Variants in CADM1 observed in about 807,000 individuals in gnomAD.
The protein encoded by CADM1 is cell adhesion molecule 1.
CADM1 carries 15 observed loss-of-function variants against 53.1 expected under a neutral mutation model. That is an observed-to-expected ratio of 0.28 (90% CI 0.19 to 0.44). CADM1 has a LOEUF of 0.44. CADM1 is among the 20% of genes least tolerant of loss of function. The pLI is 1.00. For synonymous variants in CADM1, 281 were observed against 243.0 expected, an observed-to-expected ratio of 1.16 and a Z score of -1.45; for missense variants, 434 against 611.3, an observed-to-expected ratio of 0.71 and a Z score of 3.06.
At chr11:115,270,892 A>T (rs1341749648) in intron 1 of CADM1, among the ~76,000 whole-genome samples, 2 of 152,224 alleles carry the variant, frequency 1.3e-5, no homozygotes, top group Non-Finnish European at 2.9e-5. Context: ...GATCTACCTC[A>T]AGTCACTGCT....
intron 8 of CADM1, among the ~76,000 whole-genome samples, chr11:115,208,773 G>A (rs1467431826): frequency 6.6e-6 from 1 of 152,134 alleles, no homozygotes; most frequent in Non-Finnish European, 1.5e-5. Flanking sequence ...TACTTAGGTA[G>A]GCAGAAGAAA....
chr11:115,178,327 C>T (rs964484718), intron 11 of CADM1, among the ~76,000 whole-genome samples: 2 of 152,148 alleles, frequency 1.3e-5, no homozygotes, highest in Non-Finnish European at 2.9e-5. Flanking sequence ...ACACCTTGCA[C>T]ACCAGCCTCT....
chr11:115,460,910 C>T (rs2135372351), intron 1 of CADM1, among the ~76,000 whole-genome samples: 1 of 152,198 alleles, frequency 6.6e-6, no homozygotes, highest in African/African-American at 2.4e-5. Context: ...TAATTTATTT[C>T]AGGTTCTGGG....
At chr11:115,201,871 T>C (rs998876392) in intron 8 of CADM1, among the ~76,000 whole-genome samples, 1 of 152,202 alleles carries the variant, frequency 6.6e-6, no homozygotes, top group African/African-American at 2.4e-5. Flanking sequence ...TATACATTTA[T>C]ATTATATGGC....
At chr11:115,233,728 T>TA (rs1482635290) in intron 3 of CADM1, among the ~76,000 whole-genome samples, 5 of 151,322 alleles carry the variant, frequency 3.3e-5, no homozygotes, top group African/African-American at 1.2e-4. Flanking sequence ...AAAAAAAAAA[T>TA]ACCTTTCAAG....
At chr11:115,272,341 G>T (rs2135051070) in intron 1 of CADM1, among the ~76,000 whole-genome samples, 1 of 152,028 alleles carries the variant, frequency 6.6e-6, no homozygotes, top group South Asian at 2.1e-4. Flanking sequence ...TTTGAGCTAA[G>T]ATGAACAGAT....
intron 1 of CADM1, among the ~76,000 whole-genome samples, chr11:115,302,106 A>G (rs549379161): frequency 6.6e-6 from 1 of 152,054 alleles, no homozygotes; most frequent in Non-Finnish European, 1.5e-5. Flanking sequence ...GTTCATTACT[A>G]CACACGGACA....
chr11:115,428,987 G>A (rs1441976158), intron 1 of CADM1, among the ~76,000 whole-genome samples: 1 of 152,150 alleles, frequency 6.6e-6, no homozygotes, highest in East Asian at 1.9e-4. Context: ...CAGAGTGCCA[G>A]AGAACCTACA....
intron 3 of CADM1, among the ~76,000 whole-genome samples, chr11:115,234,893 CAAAAAAAAAAAAAAA>C (rs57197514): frequency 8.0e-5 from 6 of 75,388 alleles, no homozygotes; most frequent in African/African-American, 1.6e-4. Context: ...ACTCCGTCTC[CAAAAAAAAAAAAAAA>C]AAAAAAAAAA....
intron 1 of CADM1, among the ~76,000 whole-genome samples, chr11:115,431,493 A>G (rs1227857206): frequency 6.6e-6 from 1 of 152,088 alleles, no homozygotes; most frequent in Non-Finnish European, 1.5e-5. Flanking sequence ...TTTTTTCCAG[A>G]AAACATCTAG....
intron 8 of CADM1, among the ~76,000 whole-genome samples, chr11:115,206,176 G>A (rs1486215358): frequency 6.6e-6 from 1 of 152,150 alleles, no homozygotes; most frequent in Non-Finnish European, 1.5e-5. Context: ...TATGGGTACG[G>A]TTTCTGTTGA....
At chr11:115,417,043 G>C (rs1466689573) in intron 1 of CADM1, among the ~76,000 whole-genome samples, 2 of 152,134 alleles carry the variant, frequency 1.3e-5, no homozygotes, top group Non-Finnish European at 2.9e-5. Context: ...GGAAGTATAG[G>C]TGTGTTTAAG....
At chr11:115,371,353 T>C (rs1350283313) in intron 1 of CADM1, among the ~76,000 whole-genome samples, 1 of 152,074 alleles carries the variant, frequency 6.6e-6, no homozygotes, top group Non-Finnish European at 1.5e-5. Context: ...TAAAGTGGTA[T>C]AACATCATTT....
In CADM1 at chr11:115,178,743, C is replaced by T; in HGVS notation, c.1198G>A (p.Ala400Thr). ...CCACCGATCACGGCATGATCCACTGCCCTGATCGAGCCTTCTTCACCTGCT... is the reference window on the plus strand; with the variant it reads ...CCACCGATCACGGCATGATCCACTGTCCTGATCGAGCCTTCTTCACCTGCT... Reference protein sequence around the residue: ...SRAGEEGSIRAVDHAVIGGVV... With the variant: ...SRAGEEGSIRTVDHAVIGGVV... The change falls in exon 11 of 12, where the codon GCA becomes ACA. Residue 400 changes from alanine to threonine, a missense_variant. This residue lies in a region of CADM1 where 311 missense variants were observed against 435.1 expected (regional missense o/e 0.71). Coordinates refer to ENST00000331581, the MANE Select transcript of CADM1 (RefSeq NM_001301043.2). The T allele has an allele frequency of 1.9e-6, 3 of 1,613,982 alleles. No individual in the cohort carries two copies. The highest frequency in any genetic ancestry group is 2.5e-6 in the Non-Finnish European group (3 of 1,179,980).
At chr11:115,384,984 T>C (rs1229048518) in intron 1 of CADM1, among the ~76,000 whole-genome samples, 1 of 152,152 alleles carries the variant, frequency 6.6e-6, no homozygotes, top group Admixed American at 6.6e-5. Flanking sequence ...CCATCTTTCT[T>C]AACATTCCTA....
Position 115,190,902 on chromosome 11 carries a change from C to T in CADM1, c.1151G>A (p.Ser384Asn). 1 of 1,595,306 alleles carries T rather than the reference C, an allele frequency of 6.3e-7. No homozygotes were observed. Among genetic ancestry groups the T allele is most frequent in the Admixed American group, 1.7e-5 (1 of 59,704 alleles). The change falls in exon 10 of 12, where the codon AGT (serine) becomes AAT (asparagine). Residue 384 changes from serine (S) to asparagine (N), a missense_variant. By Grantham distance (46) the Ser-to-Asn change is conservative. This residue lies in a region of CADM1 where 311 missense variants were observed against 435.1 expected (regional missense o/e 0.71). Coordinates refer to ENST00000331581, the MANE Select transcript of CADM1 (RefSeq NM_001301043.2). Reference sequence around the variant, plus strand: ...CTAGCCCTTACCTGAGAGGTCCTCACTGTCCAGTTCTTCTGCGGAATTGGG... The same window carrying T: ...CTAGCCCTTACCTGAGAGGTCCTCATTGTCCAGTTCTTCTGCGGAATTGGG... ...QLPNSAEELD[S>N]EDLSDSRAGE...
At chr11:115,452,630 A>G (rs1948598998) in intron 1 of CADM1, among the ~76,000 whole-genome samples, 3 of 152,212 alleles carry the variant, frequency 2.0e-5, no homozygotes, top group Admixed American at 2.0e-4. Flanking sequence ...ATGTGTTTAC[A>G]TTAACACTTG....
chr11:115,366,848 C>T (rs971675356), intron 1 of CADM1, among the ~76,000 whole-genome samples: 2 of 152,126 alleles, frequency 1.3e-5, no homozygotes, highest in Admixed American at 6.6e-5. Flanking sequence ...ATTACCTTTA[C>T]CCCTAAAGTC....
At chr11:115,442,641 A>G (rs11215560) in intron 1 of CADM1, among the ~76,000 whole-genome samples, 3,357 of 152,280 alleles carry the variant, frequency 0.022, 119 homozygotes, top group African/African-American at 0.076. Context: ...TGGGAAAGAA[A>G]CTAGGAAAAC....
Sources: allele counts gnomAD v4.1 joint callset (sites outside exome capture counted in the v4.1 genomes callset), GRCh38; gene constraint gnomAD v4.1.1; regional missense constraint gnomAD v4.1.1; transcripts MANE v1.5; gene names NCBI Gene and HGNC (gene_info 2026-07-23, HGNC 2026-07-21).